Variants in RAPH1 observed in about 807,000 individuals in gnomAD.
RAPH1 encodes the protein ras-associated and pleckstrin homology domains-containing protein 1.
Under a neutral mutation model 88.1 loss-of-function variants are expected in RAPH1, and 18 were observed. The ratio of observed to expected loss-of-function variants is 0.20; its 90% CI spans 0.14 to 0.30. The LOEUF (loss-of-function observed/expected upper bound fraction) is 0.30. Ranked by LOEUF, RAPH1 falls within the 10% of genes least tolerant of loss-of-function variation. RAPH1 has a pLI of 1.00. For synonymous variants in RAPH1, 587 were observed against 559.0 expected (o/e 1.05, Z -0.71); for missense variants, 1,448 against 1,543.2 (o/e 0.94, Z 1.03).
At chr2:203,522,895 CAAAA>C (rs59862473) in intron 1 of RAPH1, among the ~76,000 whole-genome samples, 13 of 85,834 alleles carry the variant, frequency 1.5e-4, no homozygotes, top group Non-Finnish European at 1.8e-4. Context: ...GACTCTGTCT[CAAAA>C]AAAAAAAAAA....
chr2:203,491,459 G>A (rs1688263936), intron 2 of RAPH1, 140 bp from the exon 3 acceptor site: 2 of 550,192 alleles, frequency 3.6e-6, no homozygotes, highest in South Asian at 5.7e-5. Flanking sequence ...TAGACTTAAG[G>A]AAAAGTATAA....
At chr2:203,477,132 T>G in intron 4 of RAPH1, 1 of 1,613,960 alleles carries the variant, frequency 6.2e-7, no homozygotes, top group South Asian at 1.1e-5. Flanking sequence ...GCCTGCTTGC[T>G]GGAACATCTC....
chr2:203,446,423 T>C (rs2098509705), intron 12 of RAPH1: 1 of 152,230 alleles, frequency 6.6e-6, no homozygotes, highest in Non-Finnish European at 1.5e-5. Context: ...GTTTCTCCAC[T>C]GTGAAGTTAC....
chr2:203,505,847 A>G (rs568764346), intron 1 of RAPH1, among the ~76,000 whole-genome samples: 7 of 152,276 alleles, frequency 4.6e-5, no homozygotes, highest in South Asian at 4.1e-4. Flanking sequence ...ACGCGCGCGC[A>G]CGCACACACA....
chr2:203,473,321 C>A (rs750410704), intron 4 of RAPH1, among the ~76,000 whole-genome samples: 3 of 152,058 alleles, frequency 2.0e-5, no homozygotes, highest in Non-Finnish European at 2.9e-5. Flanking sequence ...TGGTACCAGT[C>A]ATAACACTGA....
intron 12 of RAPH1, 29 bp from the exon 13 acceptor site, chr2:203,445,039 T>C: frequency 6.2e-7 from 1 of 1,600,800 alleles, no homozygotes; most frequent in Non-Finnish European, 8.5e-7. Flanking sequence ...TAAACATAGG[T>C]TTAAAAGAGT....
At position 203,439,440 on chromosome 2, in the gene RAPH1, C is replaced by T. The variant is rs139396845; in HGVS notation, c.3750G>A (p.Trp1250Ter). The change falls in exon 14 of 14, where the codon TGG becomes TGA. Residue 1250 changes from tryptophan to a stop codon, truncating the protein, a stop_gained. Coordinates refer to ENST00000319170, the MANE Select transcript of RAPH1 (RefSeq NM_213589.3). LOFTEE classifies it high-confidence loss of function. ...TGAAAATAAAGTCCTATGGTGGCTA[C>T]CAGTCTCTGGAGAGCTTGGTGTTCT... is the stretch of plus-strand genomic sequence containing the variant. ...RDQNTKLSRDW is the reference protein window; with the variant it reads ...RDQNTKLSRD The T allele has an allele frequency of 5.5e-5, 89 of 1,612,802 alleles. No homozygotes were observed. The highest frequency in any genetic ancestry group is 7.0e-5 in the Non-Finnish European group (83 of 1,179,196).
chr2:203,506,528 A>C (rs1035124085), intron 1 of RAPH1, among the ~76,000 whole-genome samples: 40 of 150,342 alleles, frequency 2.7e-4, no homozygotes, highest in African/African-American at 8.9e-4. Flanking sequence ...TCAAAAAAAA[A>C]CAAAAAACAA....
At chr2:203,441,897 G>A in intron 13 of RAPH1, 2 of 1,350,860 alleles carry the variant, frequency 1.5e-6, no homozygotes, top group Non-Finnish European at 9.5e-7. Context: ...GTGGAATGAG[G>A]ATGGCTTTTT....
chr2:203,476,751 C>G (rs751673807), intron 4 of RAPH1, among the ~76,000 whole-genome samples: 1 of 152,086 alleles, frequency 6.6e-6, no homozygotes, highest in African/African-American at 2.4e-5. Flanking sequence ...TTTGGTAGCT[C>G]TGCTGTAAAG....
chr2:203,461,497 A>T, intron 5 of RAPH1, 89 bp from the exon 6 acceptor site: 1 of 989,666 alleles, frequency 1.0e-6, no homozygotes, highest in East Asian at 2.9e-5. Context: ...AATTTGGATT[A>T]ATGTATTTGT....
At position 203,485,327 on chromosome 2, in the gene RAPH1, T is replaced by C. The variant is rs533563863; in HGVS notation, c.732+4257A>G. 1.3e-4 allele frequency among the ~76,000 whole-genome samples: 20 copies of C among 148,880 alleles called. No homozygotes were observed. In the South Asian group the frequency reaches 4.2e-3, roughly 31 times the overall value. ...TCGGGAGGCTGAGGCATGAGAACCATGTGAACCTGGGAGGCGGAGGTTGCA... is the reference window on the plus strand; with the variant it reads ...TCGGGAGGCTGAGGCATGAGAACCACGTGAACCTGGGAGGCGGAGGTTGCA... On this transcript the variant is annotated intron_variant, in intron 4 of 13. Transcript: ENST00000319170.
intron 10 of RAPH1, among the ~76,000 whole-genome samples, chr2:203,452,520 C>G (rs975322959): frequency 1.3e-5 from 2 of 152,162 alleles, no homozygotes; most frequent in Non-Finnish European, 2.9e-5. Context: ...ATCCAGTATA[C>G]AAGTAATTAT....
intron 4 of RAPH1, among the ~76,000 whole-genome samples, chr2:203,471,972 T>C (rs898847303): frequency 5.3e-5 from 8 of 152,158 alleles, no homozygotes; most frequent in Non-Finnish European, 5.9e-5. Context: ...TAAGACTGAT[T>C]GGCTCCTCCA....
Position 203,439,619 on chromosome 2 carries a change from C to A in RAPH1, c.3571G>T (p.Ala1191Ser). The A allele has an allele frequency of 1.2e-6, 2 of 1,614,090 alleles. No homozygotes were observed. The highest frequency in any genetic ancestry group is 1.7e-6 in the Non-Finnish European group (2 of 1,180,024). ...TCATCCATGGTGGCTGTTGGTTCTGCTCTGGACATGCGGGAGGAGAGTGAG... is the reference window on the plus strand; with the variant it reads ...TCATCCATGGTGGCTGTTGGTTCTGATCTGGACATGCGGGAGGAGAGTGAG... ...HGSLSSRMSRAEPTATMDDMA... is the reference protein window; with the variant it reads ...HGSLSSRMSRSEPTATMDDMA... Residue 1191 changes from alanine (A) to serine (S), a missense_variant, in exon 14 of 14, where the codon GCA becomes TCA. By Grantham distance (99) the Ala-to-Ser change is moderately conservative. This residue lies in a region of RAPH1 where 935 missense variants were observed against 890.1 expected (regional missense o/e 1.05). Transcript: ENST00000319170.
At chr2:203,470,979 AAATT>A (rs2098532540) in intron 4 of RAPH1, among the ~76,000 whole-genome samples, 1 of 152,242 alleles carries the variant, frequency 6.6e-6, no homozygotes, top group African/African-American at 2.4e-5. Context: ...TCACACACTT[AAATT>A]AATTCAAGTA....
chr2:203,438,206 T>C lies in RAPH1; in HGVS notation c.*1231A>G. 1.9e-6 allele frequency: 1 copy of C among 518,306 alleles called. No homozygotes were observed. The highest frequency in any genetic ancestry group is 1.4e-5 in the South Asian group (1 of 71,262). The allele number at this position is 518,306 out of a possible 1,614,324, so 32.1% of individuals were successfully genotyped here. The stretch of plus-strand genomic sequence containing the variant: ...TCCTGGTAGCCCCAGTAGCTATAAA[T>C]GAAACTGTCTTCCCTCTCCATGTAG... On this transcript the variant is annotated 3_prime_UTR_variant, in exon 14 of 14. Transcript: ENST00000319170.
intron 4 of RAPH1, among the ~76,000 whole-genome samples, chr2:203,470,834 T>G (rs2469950): frequency 0.096 from 14,613 of 152,264 alleles, 896 homozygotes; most frequent in African/African-American, 0.17. Flanking sequence ...CATCAATATT[T>G]TGCCTAATGG....
At chr2:203,483,875 C>G (rs1051518373) in intron 4 of RAPH1, among the ~76,000 whole-genome samples, 23 of 152,180 alleles carry the variant, frequency 1.5e-4, no homozygotes, top group African/African-American at 5.5e-4. Flanking sequence ...ATACCAGCAG[C>G]CTCCCTTGGG....
Sources: allele counts gnomAD v4.1 joint callset (sites outside exome capture counted in the v4.1 genomes callset), GRCh38; gene constraint gnomAD v4.1.1; regional missense constraint gnomAD v4.1.1; transcripts MANE v1.5; gene names NCBI Gene and HGNC (gene_info 2026-07-23, HGNC 2026-07-21).